Variants in TRMT9B observed in about 807,000 individuals in gnomAD.
TRMT9B encodes probable tRNA methyltransferase 9B.
In TRMT9B, 16 loss-of-function variants were observed where a neutral mutation model predicts 11.5. The ratio of observed to expected loss-of-function variants is 1.39; its 90% confidence interval spans 0.94 to 2.11. The LOEUF (loss-of-function observed/expected upper bound fraction) is 2.11, where lower values mean the gene tolerates loss of function less well. TRMT9B is among the 30% of genes most tolerant of loss of function. The pLI is 0.00. For missense variants in TRMT9B, 941 were observed against 553.8 expected (o/e 1.70, Z -7.02); for synonymous variants, 274 against 192.4 (o/e 1.42, Z -3.51).
chr8:12,960,612 A>C (rs1048888149), intron 1 of TRMT9B: 2 of 152,232 alleles, frequency 1.3e-5, no homozygotes, highest in Admixed American at 1.3e-4. Context: ...CTTACAATGG[A>C]ATATTATTTA....
At chr8:13,013,788 A>G (rs941719346) in intron 4 of TRMT9B, among the ~76,000 whole-genome samples, 3 of 151,996 alleles carry the variant, frequency 2.0e-5, no homozygotes, top group Admixed American at 6.6e-5. Flanking sequence ...CATCTCTACT[A>G]AAAATACAAA....
rs1369133610 is a variant in TRMT9B, at chr8:13,029,616, C to T, written c.*7572C>T. 6.1e-6 allele frequency: 1 copy of T among 163,546 alleles called. No homozygotes were observed. The highest frequency in any genetic ancestry group is 1.9e-4 in the East Asian group (1 of 5,192). The allele number at this position is 163,546 out of a possible 1,614,324, so 10.1% of individuals were successfully genotyped here. ...CACATAGTCAGCTCTCACTACACTT[C>T]AACAGAACGGGGCAAGTTCGTATTT... On this transcript the variant is annotated 3_prime_UTR_variant, in exon 5 of 5. Coordinates refer to ENST00000524591, the MANE Select transcript of TRMT9B (RefSeq NM_020844.3).
At chr8:12,952,822 C>T (rs1563301084) in intron 1 of TRMT9B, 5 of 268,668 alleles carry the variant, frequency 1.9e-5, no homozygotes, top group Middle Eastern at 1.9e-3. Context: ...TCACTGCAAC[C>T]TCCGCCTCCC....
At chr8:12,946,000 T>C (rs1360243739) in intron 1 of TRMT9B, 34 bp downstream of exon 1, 1 of 152,142 alleles carries the variant, frequency 6.6e-6, no homozygotes, top group Non-Finnish European at 1.5e-5. Context: ...CACATTTTAG[T>C]TGTGATATTT....
At chr8:13,017,450 C>A (rs555352981) in intron 4 of TRMT9B, among the ~76,000 whole-genome samples, 1 of 152,162 alleles carries the variant, frequency 6.6e-6, no homozygotes, top group South Asian at 2.1e-4. Flanking sequence ...ATTTTTTAAA[C>A]AAAAGGGACT....
chr8:12,951,415 G>C (rs1800596156), intron 1 of TRMT9B: 2 of 152,382 alleles, frequency 1.3e-5, no homozygotes, highest in Admixed American at 6.5e-5. Flanking sequence ...CCGACCAGGT[G>C]CTCCCGCCGG....
intron 4 of TRMT9B, among the ~76,000 whole-genome samples, chr8:13,019,811 A>T (rs1238265195): frequency 1.3e-5 from 2 of 152,188 alleles, no homozygotes; most frequent in Non-Finnish European, 2.9e-5. Context: ...TTGTTTAAAG[A>T]TCACAAAACT....
At chr8:12,978,257 G>A (rs1412666789) in intron 1 of TRMT9B, among the ~76,000 whole-genome samples, 1 of 152,134 alleles carries the variant, frequency 6.6e-6, no homozygotes, top group Admixed American at 6.5e-5. Flanking sequence ...GAGAATGCAG[G>A]TGAGCTCCCT....
At chr8:12,993,892 A>G (rs1807849269) in intron 2 of TRMT9B, among the ~76,000 whole-genome samples, 1 of 152,232 alleles carries the variant, frequency 6.6e-6, no homozygotes, top group East Asian at 1.9e-4. Flanking sequence ...GGGAGTGCCT[A>G]AGTAGCTGGC....
At chr8:13,017,673 G>A (rs1330001209) in intron 4 of TRMT9B, among the ~76,000 whole-genome samples, 3 of 142,700 alleles carry the variant, frequency 2.1e-5, no homozygotes, top group Non-Finnish European at 3.0e-5. Flanking sequence ...GAGTACAGTG[G>A]CATGATCTTG....
chr8:13,028,866 A>C lies in TRMT9B; in HGVS notation c.*6822A>C, dbSNP rs1235492147. Reference sequence around the variant, plus strand: ...CTAGATTTTCTATTAATGTACAAGGAGGGACTCCACTACTAAAGTTTGTTT... The same window carrying C: ...CTAGATTTTCTATTAATGTACAAGGCGGGACTCCACTACTAAAGTTTGTTT... On this transcript the variant is annotated 3_prime_UTR_variant, in exon 5 of 5. Coordinates refer to ENST00000524591, the MANE Select transcript of TRMT9B (RefSeq NM_020844.3). 1 of 166,926 alleles carries C rather than the reference A, an allele frequency of 6.0e-6. No individual in the cohort carries two copies. Among genetic ancestry groups the C allele is most frequent in the African/African-American group, 2.4e-5 (1 of 41,418 alleles). 10.3% of individuals were successfully genotyped at this position (166,926 alleles called of 1,614,324 possible).
At chr8:12,987,616 T>C (rs1226895243) in intron 1 of TRMT9B, among the ~76,000 whole-genome samples, 2 of 152,002 alleles carry the variant, frequency 1.3e-5, no homozygotes, top group Non-Finnish European at 2.9e-5. Flanking sequence ...CATTTGCACC[T>C]GGGAGGTCAA....
intron 4 of TRMT9B, among the ~76,000 whole-genome samples, chr8:13,013,822 G>A (rs977491919): frequency 4.6e-5 from 7 of 152,034 alleles, no homozygotes; most frequent in African/African-American, 7.2e-5. Flanking sequence ...TGGTACAAGC[G>A]CCTGTAGTCC....
chr8:12,973,722 G>T (rs1803985242), intron 1 of TRMT9B, among the ~76,000 whole-genome samples: 3 of 152,122 alleles, frequency 2.0e-5, no homozygotes, highest in African/African-American at 7.2e-5. Context: ...AAAACTGCTG[G>T]TGAAAGGACT....
chr8:12,978,255 A>C (rs1012582058), intron 1 of TRMT9B, among the ~76,000 whole-genome samples: 1 of 152,186 alleles, frequency 6.6e-6, no homozygotes, highest in Non-Finnish European at 1.5e-5. Context: ...AGGAGAATGC[A>C]GGTGAGCTCC....
rs1274972692 is a variant in TRMT9B, at chr8:13,021,033, A to G, written c.354A>G (p.Gln118=). The G allele has an allele frequency of 6.4e-7, 1 of 1,563,142 alleles. No homozygotes were observed. Among genetic ancestry groups the G allele is most frequent in the Non-Finnish European group, 8.7e-7 (1 of 1,156,052 alleles). The change falls in exon 5 of 5, where the codon CAA becomes CAG. Residue 118 remains glutamine (Q), a synonymous_variant. Coordinates refer to ENST00000524591, the MANE Select transcript of TRMT9B (RefSeq NM_020844.3). ...TCATACATCATTTTTCTACAAAACAAAGAAGAATCAGAGCAATAAAAGAAA... is the reference window on the plus strand; with the variant it reads ...TCATACATCATTTTTCTACAAAACAGAGAAGAATCAGAGCAATAAAAGAAA... ...IGVIHHFSTK[Q]RRIRAIKEMA...
At chr8:12,957,125 GT>G (rs984544362) in intron 1 of TRMT9B, among the ~76,000 whole-genome samples, 90 of 152,314 alleles carry the variant, frequency 5.9e-4, no homozygotes, top group African/African-American at 1.9e-3. Flanking sequence ...TTCTCTCATG[GT>G]GAGGTGGAAG....
In TRMT9B at chr8:13,021,777, A is replaced by T; in HGVS notation, c.1098A>T (p.Glu366Asp). ...GVNCVDAGNI[E>D]DDNPSASKIL... is the part of the protein sequence containing the mutation. ...ATTGTGTGGATGCAGGCAACATAGAAGATGATAATCCTTCTGCTAGTAAAA... is the reference window on the plus strand; with the variant it reads ...ATTGTGTGGATGCAGGCAACATAGATGATGATAATCCTTCTGCTAGTAAAA... Residue 366 changes from glutamate to aspartate, a missense_variant, in exon 5 of 5, where the codon GAA becomes GAT. Glu to Asp is a conservative substitution (Grantham distance 45). Transcript: ENST00000524591. 2 of 1,613,980 alleles carry T rather than the reference A, an allele frequency of 1.2e-6. No individual in the cohort carries two copies. Among genetic ancestry groups the T allele is most frequent in the Non-Finnish European group, 1.7e-6 (2 of 1,179,892 alleles).
At chr8:13,016,235 T>TTTA (rs59478216) in intron 4 of TRMT9B, among the ~76,000 whole-genome samples, 6,472 of 79,094 alleles carry the variant, frequency 0.082, 1,177 homozygotes, top group Non-Finnish European at 0.11. Context: ...GAAATATATA[T>TTTA]TATATATAAA....
Sources: gnomAD v4.1 joint callset for allele counts (sites outside exome capture counted in the v4.1 genomes callset) on GRCh38, gnomAD v4.1.1 for gene constraint, MANE v1.5 for transcripts, NCBI Gene and HGNC (gene_info 2026-07-23, HGNC 2026-07-21) for gene names.